The following PTPRJ variants were observed in gnomAD, a reference collection of about 807,000 sequenced individuals.
The protein encoded by PTPRJ is protein tyrosine phosphatase receptor type J, also known as receptor-type tyrosine-protein phosphatase eta.
In PTPRJ, 129 loss-of-function variants were observed where a neutral mutation model predicts 141.3. The observed-to-expected ratio is 0.91, with a 90% CI of 0.79 to 1.06. The LOEUF (loss-of-function observed/expected upper bound fraction) is 1.06. Among genes scored for constraint, PTPRJ ranks in the 50% least tolerant of loss-of-function variants. The pLI, the probability that PTPRJ is intolerant of heterozygous loss-of-function variation, is 0.00. For synonymous variants in PTPRJ, 610 were observed against 640.5 expected (o/e 0.95, Z 0.72); for missense variants, 1,601 against 1,679.7 (o/e 0.95, Z 0.82).
intron 1 of PTPRJ, among the ~76,000 whole-genome samples, chr11:48,088,164 C>T (rs1473906998): frequency 1.3e-5 from 2 of 152,220 alleles, no homozygotes; most frequent in African/African-American, 2.4e-5. Flanking sequence ...CGCTTGGTCA[C>T]TCTTCCCTTT....
intron 1 of PTPRJ, among the ~76,000 whole-genome samples, chr11:47,998,758 G>A (rs1254621882): frequency 6.6e-6 from 1 of 152,184 alleles, no homozygotes; most frequent in African/African-American, 2.4e-5. Context: ...AAGGATGCCT[G>A]CTTTGATGAG....
chr11:48,055,663 G>A (rs1456760677), intron 1 of PTPRJ, among the ~76,000 whole-genome samples: 1 of 152,146 alleles, frequency 6.6e-6, no homozygotes, highest in African/African-American at 2.4e-5. Context: ...TGCAGTCCTG[G>A]GGGCACGAGG....
At chr11:48,150,226 A>T (rs140404426) in intron 18 of PTPRJ, 43 bp downstream of exon 18, 1 of 1,572,724 alleles carries the variant, frequency 6.4e-7, no homozygotes, top group African/African-American at 1.4e-5. Flanking sequence ...TCAGGTTCCA[A>T]CCCAAGCTGG....
Position 48,144,984 on chromosome 11 carries a change from C to T in PTPRJ, c.2787-16C>T. On this transcript the variant is annotated splice_polypyrimidine_tract_variant and intron_variant, in intron 13 of 24. Transcript: ENST00000418331. ...CACGTCTCAGGGACCTCTTTTTGCT[C>T]TTTGTTATCCCACAGGGCTTGTGTG... The T allele has an allele frequency of 6.2e-7, 1 of 1,613,910 alleles. No individual in the cohort carries two copies.
At chr11:48,024,609 C>T (rs1853756346) in intron 1 of PTPRJ, among the ~76,000 whole-genome samples, 1 of 152,216 alleles carries the variant, frequency 6.6e-6, no homozygotes, top group Non-Finnish European at 1.5e-5. Context: ...TCCCAAGCAG[C>T]CGTTGCTAAT....
chr11:48,112,633 G>T, intron 2 of PTPRJ, 114 bp from the exon 3 acceptor site: 1 of 767,972 alleles, frequency 1.3e-6, no homozygotes, highest in Non-Finnish European at 2.2e-6. Flanking sequence ...GAAAGAGAGG[G>T]ATCAGTTTTT....
intron 22 of PTPRJ, among the ~76,000 whole-genome samples, chr11:48,162,220 G>A (rs1171151754): frequency 6.6e-6 from 1 of 151,782 alleles, no homozygotes; most frequent in African/African-American, 2.4e-5. Flanking sequence ...TTAGAAAATC[G>A]AGAAATTACA....
intron 1 of PTPRJ, among the ~76,000 whole-genome samples, chr11:47,983,497 A>G (rs1354476333): frequency 6.6e-6 from 1 of 152,242 alleles, no homozygotes; most frequent in Non-Finnish European, 1.5e-5. Context: ...GCGGGTGTGG[A>G]AGCTGGAAAG....
chr11:48,064,441 C>G (rs535812042), intron 1 of PTPRJ, among the ~76,000 whole-genome samples: 1 of 152,094 alleles, frequency 6.6e-6, no homozygotes, highest in Non-Finnish European at 1.5e-5. Flanking sequence ...CAGCAGCAGT[C>G]GGAGCTGCAG....
intron 1 of PTPRJ, among the ~76,000 whole-genome samples, chr11:48,095,871 A>G (rs940689668): frequency 9.2e-5 from 14 of 152,262 alleles, no homozygotes; most frequent in South Asian, 4.2e-4. Flanking sequence ...ATGAGCCACC[A>G]TGCCCTGCCT....
rs754194633 is a variant in PTPRJ, at chr11:48,128,021, G to A, written c.1335G>A (p.Pro445=). Residue 445 remains proline (P), a synonymous_variant, in exon 7 of 25, where the codon CCG becomes CCA. Transcript: ENST00000418331. ...CPVLGDIEGT[P]GFLQVHTPPV... ...TCCTAGGTGACATCGAGGGCACGCC[G>A]GGCTTCCTCCAAGTGCACACCCGTG... 11 of 1,613,148 alleles carry A rather than the reference G, an allele frequency of 6.8e-6. No homozygotes were observed. The highest frequency in any genetic ancestry group is 1.6e-4 in the Middle Eastern group (1 of 6,082).
In PTPRJ at chr11:48,105,705, G is replaced by A. The variant is rs149630998; in HGVS notation, c.97-4353G>A. Among the ~76,000 whole-genome samples the A allele has an allele frequency of 1.9e-4, 29 of 152,296 alleles. 2 individuals are homozygous for A. The East Asian group carries it at 5.4e-3, about 28-fold the overall frequency. ...CACCTGTCAGGCTGACGGGCTTTCA[G>A]TGGTGATGTGTTGGGAGCTCTGTGC... On this transcript the variant is annotated intron_variant, in intron 1 of 24. Transcript: ENST00000418331.
At chr11:48,118,511 T>A (rs916952587) in intron 3 of PTPRJ, among the ~76,000 whole-genome samples, 2 of 152,210 alleles carry the variant, frequency 1.3e-5, no homozygotes, top group Admixed American at 1.3e-4. Context: ...CAGACAAGGA[T>A]ACAACCCAAA....
chr11:47,980,911 G>A lies in PTPRJ; in HGVS notation c.-2G>A, dbSNP rs1182802596. ...CGGGGCACGTTCCAGGGCGCGCGGGGCATGAAGCCGGCGGCGCGGGAGGCG... is the reference window on the plus strand; with the variant it reads ...CGGGGCACGTTCCAGGGCGCGCGGGACATGAAGCCGGCGGCGCGGGAGGCG... On this transcript the variant is annotated 5_prime_UTR_variant, in exon 1 of 25. Transcript: ENST00000418331. The A allele has an allele frequency of 1.7e-6, 2 of 1,162,780 alleles. No individual in the cohort carries two copies. Among genetic ancestry groups the A allele is most frequent in the African/African-American group, 1.6e-5 (1 of 61,478 alleles). The allele number at this position is 1,162,780 out of a possible 1,614,324, so 72.0% of individuals were successfully genotyped here. A position where few individuals can be genotyped will look rare whatever the true frequency, so the allele number is the denominator to read the frequency against.
chr11:48,135,170 C>CTTT (rs36040052), intron 8 of PTPRJ, among the ~76,000 whole-genome samples: 8 of 86,764 alleles, frequency 9.2e-5, no homozygotes, highest in South Asian at 4.2e-4. Context: ...CCTTGAAGGG[C>CTTT]TTTTTTTTTT....
chr11:48,052,950 C>A (rs1199705320), intron 1 of PTPRJ, among the ~76,000 whole-genome samples: 1 of 150,672 alleles, frequency 6.6e-6, no homozygotes, highest in Non-Finnish European at 1.5e-5. Flanking sequence ...ATGCTGAGGA[C>A]CCTGGTGTGG....
At chr11:48,165,910 G>A (rs1857905412) in intron 24 of PTPRJ, among the ~76,000 whole-genome samples, 1 of 151,438 alleles carries the variant, frequency 6.6e-6, no homozygotes, top group Admixed American at 6.6e-5. Context: ...CACCGGGCTG[G>A]ATTGCAGTGG....
At chr11:48,004,053 G>A (rs1252880182) in intron 1 of PTPRJ, among the ~76,000 whole-genome samples, 2 of 152,192 alleles carry the variant, frequency 1.3e-5, no homozygotes, top group Admixed American at 6.5e-5. Context: ...GAGCCTAGTT[G>A]TATGCAACCT....
Position 48,073,672 on chromosome 11 carries a change from T to A in PTPRJ, c.97-36386T>A, listed in dbSNP as rs926411226. Among the ~76,000 whole-genome samples, 14 of 146,190 alleles carry A rather than the reference T, an allele frequency of 9.6e-5. No homozygotes were observed. The East Asian group carries it at 2.6e-3, about 27-fold the overall frequency. ...CAATTCCCTTGATCGGTTTTTCCTT[T>A]AAAAAAAAAAAAGATATTTGACATC... On this transcript the variant is annotated intron_variant, in intron 1 of 24. Transcript: ENST00000418331.
Sources: allele counts gnomAD v4.1 joint callset (sites outside exome capture counted in the v4.1 genomes callset), GRCh38; gene constraint gnomAD v4.1.1; transcripts MANE v1.5; gene names NCBI Gene and HGNC (gene_info 2026-07-23, HGNC 2026-07-21).